The following FRMD4B variants were observed in gnomAD, a reference collection of about 807,000 sequenced individuals.
The protein encoded by FRMD4B is FERM domain-containing protein 4B.
FRMD4B carries 74 observed loss-of-function variants against 141.5 expected under a neutral mutation model. The observed-to-expected ratio is 0.52, with a 90% confidence interval of 0.43 to 0.63. The LOEUF is 0.63. FRMD4B is among the 30% of genes least tolerant of loss of function. The probability of loss-of-function intolerance (pLI) is 0.00; values close to 1 mark genes in which losing one functional copy is unlikely to be tolerated. For missense variants in FRMD4B, 1,366 were observed against 1,253.4 expected (o/e 1.09, Z -1.36); for synonymous variants, 506 against 467.9 (o/e 1.08, Z -1.05).
chr3:69,274,845 T>C lies in FRMD4B; in HGVS notation c.501+12907A>G, dbSNP rs190673330. Among the ~76,000 whole-genome samples, 319 of 152,314 alleles carry C rather than the reference T, an allele frequency of 2.1e-3. 1 individual carries two copies. The highest frequency in any genetic ancestry group is 6.8e-3 in the Middle Eastern group (2 of 292). The stretch of plus-strand genomic sequence containing the variant: ...ATTTGTTGATTCTTTAATCATTCAC[T>C]CCTTCATTTACCCATTCAATAACGT... On this transcript the variant is annotated intron_variant, in intron 5 of 22. Transcript: ENST00000398540.
intron 1 of FRMD4B, among the ~76,000 whole-genome samples, chr3:69,499,872 A>G (rs1706463705): frequency 6.6e-6 from 1 of 152,202 alleles, no homozygotes; most frequent in South Asian, 2.1e-4. Context: ...GTCTAACAAT[A>G]CTGGCCTCTC....
rs59199350 is a variant in FRMD4B, at chr3:69,190,406, C to CT, written c.1715-455dup. Among the ~76,000 whole-genome samples, 93 of 144,534 alleles carry CT rather than the reference C, an allele frequency of 6.4e-4. 1 individual carries two copies. The highest frequency in any genetic ancestry group is 2.5e-4 in the African/African-American group (10 of 39,684). 94.8% of individuals were successfully genotyped at this position (144,534 alleles called of 152,430 possible). A position where few individuals can be genotyped will look rare whatever the true frequency, so the allele number is the denominator to read the frequency against. On this transcript the variant is annotated intron_variant, in intron 17 of 22. Transcript: ENST00000398540. The stretch of plus-strand genomic sequence containing the variant: ...TTGACCCCTCCCTGAAAGAAAAGGC[C>CT]TTTTTTTTTTTTTCTTGTTTGTTTA...
intron 2 of FRMD4B, among the ~76,000 whole-genome samples, chr3:69,410,758 T>A (rs7616680): frequency 0.016 from 626 of 39,710 alleles, 15 homozygotes; most frequent in African/African-American, 0.04. Context: ...TATATATATA[T>A]ATATATATAT....
chr3:69,498,509 C>T (rs1313168392), intron 1 of FRMD4B, among the ~76,000 whole-genome samples: 1 of 152,136 alleles, frequency 6.6e-6, no homozygotes, highest in Non-Finnish European at 1.5e-5. Context: ...GCAAATATAG[C>T]ATGCTCTTCA....
chr3:69,433,371 C>T (rs1394132254), intron 1 of FRMD4B, among the ~76,000 whole-genome samples: 1 of 152,222 alleles, frequency 6.6e-6, no homozygotes, highest in Non-Finnish European at 1.5e-5. Flanking sequence ...GCATGCTTCT[C>T]CTTTGTCACT....
chr3:69,371,651 T>A (rs1473740075), intron 1 of FRMD4B, among the ~76,000 whole-genome samples: 1 of 152,058 alleles, frequency 6.6e-6, no homozygotes, highest in Non-Finnish European at 1.5e-5. Flanking sequence ...AGATGATAAG[T>A]GGATATATAG....
At chr3:69,385,627 C>T (rs1016041629) in intron 1 of FRMD4B, among the ~76,000 whole-genome samples, 1 of 152,154 alleles carries the variant, frequency 6.6e-6, no homozygotes, top group Non-Finnish European at 1.5e-5. Context: ...TCGCAAGTGC[C>T]CCCCATGCCC....
rs562534749 is a variant in FRMD4B at position 69,456,831 on chromosome 3, T to C, written c.-128-24070A>G. Among the ~76,000 whole-genome samples the C allele has an allele frequency of 4.6e-5, 7 of 152,308 alleles. No individual in the cohort carries two copies. In the East Asian group the frequency reaches 5.8e-4, roughly 13 times the overall value. ...CCTGGACTGGCTAAATAAAGTTTTA[T>C]TGGAGCACAGCCACACTCTTTCTTT... is the stretch of plus-strand genomic sequence containing the variant. On this transcript the variant is annotated intron_variant, in intron 1 of 5. Transcript: ENST00000459638.
intron 1 of FRMD4B, among the ~76,000 whole-genome samples, chr3:69,529,438 C>T (rs765892494): frequency 4.6e-5 from 7 of 152,234 alleles, no homozygotes; most frequent in South Asian, 2.1e-4. Context: ...TAGAGGACAG[C>T]GACTTGACTC....
intron 3 of FRMD4B, 124 bp downstream of exon 3, chr3:69,311,139 C>A: frequency 2.0e-6 from 1 of 504,272 alleles, no homozygotes; most frequent in Non-Finnish European, 3.6e-6. Context: ...ATTAAAAAAC[C>A]TTTAGCTAAG....
At chr3:69,314,572 G>A (rs1463412518) in intron 1 of FRMD4B, among the ~76,000 whole-genome samples, 3 of 149,424 alleles carry the variant, frequency 2.0e-5, no homozygotes, top group East Asian at 4.0e-4. Flanking sequence ...AGTGGCTCAC[G>A]CCTGTAATCC....
At chr3:69,224,826 T>C in intron 7 of FRMD4B, 136 bp from the exon 8 acceptor site, 1 of 586,818 alleles carries the variant, frequency 1.7e-6, no homozygotes, top group Non-Finnish European at 3.0e-6. Flanking sequence ...TTATGGACTC[T>C]AACTAGAAGC....
intron 11 of FRMD4B, among the ~76,000 whole-genome samples, chr3:69,210,685 G>A (rs545391333): frequency 1.3e-5 from 2 of 152,280 alleles, no homozygotes; most frequent in East Asian, 3.9e-4. Flanking sequence ...ATTAGGAGGT[G>A]AAAGAAGTGC....
In FRMD4B at chr3:69,359,472, C is replaced by T. The variant is rs550489601; in HGVS notation, c.162+26356G>A. On this transcript the variant is annotated intron_variant, in intron 1 of 22. Coordinates refer to ENST00000398540, the MANE Select transcript of FRMD4B (RefSeq NM_015123.3). ...TAATTTAGTACAAACTGGGACTGAC[C>T]GATAAGGAACATTTAAGTTTATTTA... Among the ~76,000 whole-genome samples the T allele has an allele frequency of 3.9e-4, 59 of 152,194 alleles. 1 individual carries two copies. The highest frequency in any genetic ancestry group is 1.2e-3 in the African/African-American group (51 of 41,520).
chr3:69,437,284 C>T (rs1404262075), intron 1 of FRMD4B, among the ~76,000 whole-genome samples: 1 of 151,898 alleles, frequency 6.6e-6, no homozygotes, highest in Non-Finnish European at 1.5e-5. Flanking sequence ...GTTGCTCAGG[C>T]TGGTCTGGAA....
At chr3:69,219,414 GC>G (rs1281903772) in intron 9 of FRMD4B, among the ~76,000 whole-genome samples, 1 of 151,932 alleles carries the variant, frequency 6.6e-6, no homozygotes, top group Non-Finnish European at 1.5e-5. Flanking sequence ...AAAGTAAATG[GC>G]CCGCATGCAA....
At chr3:69,439,727 C>T (rs1705315058) in intron 1 of FRMD4B, among the ~76,000 whole-genome samples, 1 of 152,196 alleles carries the variant, frequency 6.6e-6, no homozygotes, top group Admixed American at 6.5e-5. Flanking sequence ...CTGTTTACCT[C>T]AATTCTTTGC....
At chr3:69,448,213 A>G (rs1393391097) in intron 1 of FRMD4B, among the ~76,000 whole-genome samples, 1 of 152,004 alleles carries the variant, frequency 6.6e-6, no homozygotes, top group Non-Finnish European at 1.5e-5. Flanking sequence ...TATTTTTAGT[A>G]GAGACGATGT....
chr3:69,339,194 C>A (rs774706041), intron 1 of FRMD4B, among the ~76,000 whole-genome samples: 1 of 151,996 alleles, frequency 6.6e-6, no homozygotes, highest in Non-Finnish European at 1.5e-5. Context: ...TGAGATTTAA[C>A]TATTGGCCTA....
Sources: gnomAD v4.1 joint callset for allele counts (sites outside exome capture counted in the v4.1 genomes callset) on GRCh38, gnomAD v4.1.1 for gene constraint, MANE v1.5 for transcripts, NCBI Gene and HGNC (gene_info 2026-07-23, HGNC 2026-07-21) for gene names.